The following FABP12 variants were observed in gnomAD, a reference collection of about 807,000 sequenced individuals.
FABP12 encodes the protein fatty acid binding protein 12.
In FABP12, 19 loss-of-function variants were observed where a neutral mutation model predicts 13.7. The observed-to-expected ratio is 1.39, with a 90% confidence interval of 0.97 to 2.04. The LOEUF (loss-of-function observed/expected upper bound fraction) is 2.04, where lower values mean the gene tolerates loss of function less well. Ranked by LOEUF, FABP12 falls within the 30% of genes most tolerant of loss-of-function variation. FABP12 has a pLI of 0.00. For synonymous variants in FABP12, 61 were observed against 57.0 expected (o/e 1.07, Z -0.32); for missense variants, 182 against 164.2 (o/e 1.11, Z -0.59).
At chr8:81,548,509 T>C (rs1048610459) in intron 1 of FABP12, among the ~76,000 whole-genome samples, 1 of 152,188 alleles carries the variant, frequency 6.6e-6, no homozygotes, top group Non-Finnish European at 1.5e-5. Context: ...AAAGGGAATG[T>C]CGAGGGGCCA....
At chr8:81,573,055 TATC>T (rs1227060139) in intron 1 of FABP12, among the ~76,000 whole-genome samples, 56 of 152,240 alleles carry the variant, frequency 3.7e-4, no homozygotes, top group African/African-American at 1.2e-3. Context: ...CTCCCAATAT[TATC>T]TTCTAGAATT....
At chr8:81,572,102 C>T (rs115979824) in intron 1 of FABP12, among the ~76,000 whole-genome samples, 2,164 of 146,408 alleles carry the variant, frequency 0.015, 41 homozygotes, top group African/African-American at 0.05. Flanking sequence ...TTATACCTTG[C>T]CCCCTCCCAC....
intron 1 of FABP12, among the ~76,000 whole-genome samples, chr8:81,570,415 G>A (rs1369143247): frequency 6.6e-6 from 1 of 152,360 alleles, no homozygotes; most frequent in East Asian, 1.9e-4. Context: ...CGTGAAGGGT[G>A]AGCAAGACAA....
chr8:81,542,102 G>T (rs1809359877), intron 1 of FABP12, among the ~76,000 whole-genome samples: 1 of 151,998 alleles, frequency 6.6e-6, no homozygotes, highest in Non-Finnish European at 1.5e-5. Context: ...TACTGACTCT[G>T]TAAAGACAAT....
At chr8:81,538,673 A>G (rs528992280), upstream of FABP12, among the ~76,000 whole-genome samples, 2 of 152,206 alleles carry the variant, frequency 1.3e-5, no homozygotes, top group South Asian at 4.2e-4. Context: ...GAAGCTACCA[A>G]CACCTTAGTT....
upstream of FABP12, among the ~76,000 whole-genome samples, chr8:81,535,497 C>A (rs1809199863): frequency 6.6e-6 from 1 of 152,112 alleles, no homozygotes; most frequent in Non-Finnish European, 1.5e-5. Flanking sequence ...GCATTCAAGG[C>A]CTAGGGAAAT....
chr8:81,558,026 G>A (rs1332543780), intron 1 of FABP12, among the ~76,000 whole-genome samples: 1 of 152,196 alleles, frequency 6.6e-6, no homozygotes, highest in African/African-American at 2.4e-5. Context: ...TGGGGAAGAG[G>A]CCACTGGAGC....
chr8:81,579,732 C>G (rs932810612), intron 1 of FABP12, among the ~76,000 whole-genome samples: 1 of 152,122 alleles, frequency 6.6e-6, no homozygotes, highest in Non-Finnish European at 1.5e-5. Flanking sequence ...AGTGATTTTA[C>G]AAATAAATGT....
intron 1 of FABP12, among the ~76,000 whole-genome samples, chr8:81,542,287 G>A (rs1325344889): frequency 2.6e-5 from 4 of 152,124 alleles, no homozygotes; most frequent in Admixed American, 1.3e-4. Context: ...CCTTAAAAAT[G>A]TTCCTGACCC....
At chr8:81,562,671 A>G (rs1286391929) in intron 1 of FABP12, among the ~76,000 whole-genome samples, 1 of 152,060 alleles carries the variant, frequency 6.6e-6, no homozygotes, top group Admixed American at 6.6e-5. Flanking sequence ...TGGCCACAGG[A>G]GAGAAGAGAC....
intron 1 of FABP12, among the ~76,000 whole-genome samples, chr8:81,555,989 AGGGGATCAT>A (rs1197677186): frequency 6.6e-6 from 1 of 152,190 alleles, no homozygotes; most frequent in African/African-American, 2.4e-5. Context: ...GGTGATTTTT[AGGGGATCAT>A]GGGTATCTTG....
upstream of FABP12, among the ~76,000 whole-genome samples, chr8:81,537,693 G>A (rs573570040): frequency 3.9e-4 from 59 of 152,184 alleles, 2 homozygotes; most frequent in Admixed American, 6.5e-4. Context: ...TAAGAACATC[G>A]GGAAACTTGG....
chr8:81,542,320 G>A (rs371212850), intron 1 of FABP12, among the ~76,000 whole-genome samples: 44 of 152,144 alleles, frequency 2.9e-4, no homozygotes, highest in Non-Finnish European at 5.7e-4. Context: ...GGGAGCCTGG[G>A]GGGGTTCTTG....
At chr8:81,552,362 CACTT>C (rs1809535660) in intron 1 of FABP12, among the ~76,000 whole-genome samples, 1 of 152,092 alleles carries the variant, frequency 6.6e-6, no homozygotes, top group South Asian at 2.1e-4. Context: ...CAACAGGAAA[CACTT>C]AAGGAAGAAG....
At chr8:81,568,554 A>G (rs1000608059) in intron 1 of FABP12, among the ~76,000 whole-genome samples, 3 of 152,238 alleles carry the variant, frequency 2.0e-5, no homozygotes, top group Non-Finnish European at 2.9e-5. Context: ...TACAGTCACT[A>G]TGGAGAACAA....
chr8:81,572,459 G>A (rs1809950125), intron 1 of FABP12, among the ~76,000 whole-genome samples: 1 of 152,114 alleles, frequency 6.6e-6, no homozygotes. Flanking sequence ...TTTTCCCTAT[G>A]GGTAGATATC....
chr8:81,550,103 T>C (rs1809500561), intron 1 of FABP12, among the ~76,000 whole-genome samples: 1 of 152,190 alleles, frequency 6.6e-6, no homozygotes, highest in Non-Finnish European at 1.5e-5. Flanking sequence ...TAGGCTGTGT[T>C]GAAATGCTAC....
At chr8:81,536,255 T>G (rs1029835429), upstream of FABP12, among the ~76,000 whole-genome samples, 5 of 152,180 alleles carry the variant, frequency 3.3e-5, no homozygotes, top group African/African-American at 9.7e-5. Flanking sequence ...CATAATTATC[T>G]GTTGCTCTTC....
chr8:81,531,189 G>T, intron 2 of FABP12, 54 bp downstream of exon 2: 1 of 1,175,216 alleles, frequency 8.5e-7, no homozygotes, highest in Non-Finnish European at 1.3e-6. Context: ...CAAGTTCTGT[G>T]CTATCAAAAT....
Sources: allele counts gnomAD v4.1 joint callset (sites outside exome capture counted in the v4.1 genomes callset), GRCh38; gene constraint gnomAD v4.1.1; transcripts MANE v1.5; gene names NCBI Gene and HGNC (gene_info 2026-07-23, HGNC 2026-07-21).